DENND6A: variants seen among roughly 807,000 people sequenced by gnomAD.
DENND6A encodes the protein DENN domain containing 6A.
A neutral mutation model predicts 95.5 loss-of-function variants in DENND6A; 43 were observed. That is an observed-to-expected ratio of 0.45 (90% confidence interval 0.35 to 0.58). The LOEUF (loss-of-function observed/expected upper bound fraction) is 0.58. DENND6A is among the 20% of genes least tolerant of loss of function. The pLI is 0.00. For synonymous variants in DENND6A, 257 were observed against 260.4 expected, an observed-to-expected ratio of 0.99 and a Z score of 0.13; for missense variants, 574 against 736.0, an observed-to-expected ratio of 0.78 and a Z score of 2.55.
At chr3:57,643,826 CA>C (rs1158460000) in intron 11 of DENND6A, among the ~76,000 whole-genome samples, 187 of 94,216 alleles carry the variant, frequency 2.0e-3, no homozygotes, top group Middle Eastern at 7.5e-3. Context: ...GACTCTGTCT[CA>C]AAAAAAAAAA....
chr3:57,628,977 A>G lies in DENND6A; in HGVS notation c.1621-92T>C. The stretch of plus-strand genomic sequence containing the variant: ...GGTAAGGCTACTGTGAAGGAAAGAC[A>G]AGAAGGAAAAGGAGAACAAAGTATT... On this transcript the variant is annotated intron_variant, in intron 18 of 19. Coordinates refer to ENST00000311128, the MANE Select transcript of DENND6A (RefSeq NM_152678.3). The G allele has an allele frequency of 4.5e-6, 5 of 1,113,530 alleles. No homozygotes were observed. The South Asian group carries it at 6.1e-5, about 14-fold the overall frequency. The allele number at this position is 1,113,530 out of a possible 1,614,324, so 69.0% of individuals were successfully genotyped here. A position where few individuals can be genotyped will look rare whatever the true frequency, so the allele number is the denominator to read the frequency against.
At chr3:57,666,747 T>C (rs2071530176) in intron 3 of DENND6A, among the ~76,000 whole-genome samples, 1 of 152,178 alleles carries the variant, frequency 6.6e-6, no homozygotes, top group Admixed American at 6.5e-5. Context: ...AATTTCCTTG[T>C]CAACAAAATC....
intron 9 of DENND6A, among the ~76,000 whole-genome samples, chr3:57,654,127 T>G (rs552009499): frequency 2.0e-5 from 3 of 151,040 alleles, no homozygotes; most frequent in African/African-American, 7.3e-5. Context: ...TTTTTTTTTT[T>G]TGTATTTTTA....
At chr3:57,687,107 C>A (rs973189741) in intron 1 of DENND6A, among the ~76,000 whole-genome samples, 2 of 152,138 alleles carry the variant, frequency 1.3e-5, no homozygotes, top group Non-Finnish European at 2.9e-5. Context: ...AATCCTCCTG[C>A]CTCAGCCTCC....
intron 9 of DENND6A, among the ~76,000 whole-genome samples, chr3:57,654,274 T>A (rs11130595): frequency 0.35 from 53,393 of 151,884 alleles, 9,771 homozygotes; most frequent in East Asian, 0.56. Flanking sequence ...CTTCTAAGAA[T>A]TAAACAGTGG....
chr3:57,668,058 C>T (rs997637946), intron 3 of DENND6A, among the ~76,000 whole-genome samples: 2 of 151,682 alleles, frequency 1.3e-5, no homozygotes, highest in Admixed American at 6.6e-5. Flanking sequence ...GAGCAAGACC[C>T]TATCTCAAAA....
At chr3:57,689,112 G>A (rs1361347860) in intron 1 of DENND6A, among the ~76,000 whole-genome samples, 1 of 151,692 alleles carries the variant, frequency 6.6e-6, no homozygotes, top group Non-Finnish European at 1.5e-5. Flanking sequence ...ATGCCACTGC[G>A]CCCAGCTGAT....
intron 9 of DENND6A, among the ~76,000 whole-genome samples, chr3:57,647,430 C>T (rs2071103382): frequency 6.6e-6 from 1 of 152,012 alleles, no homozygotes; most frequent in African/African-American, 2.4e-5. Flanking sequence ...ACCAGGGAGG[C>T]GTGTCAGAGC....
intron 3 of DENND6A, among the ~76,000 whole-genome samples, chr3:57,671,380 A>G (rs536039572): frequency 6.6e-6 from 1 of 152,088 alleles, no homozygotes; most frequent in African/African-American, 2.4e-5. Context: ...AAAACAAAAA[A>G]TTAGCCGGGA....
chr3:57,649,668 G>T (rs868033694), intron 9 of DENND6A, among the ~76,000 whole-genome samples: 1 of 150,234 alleles, frequency 6.7e-6, no homozygotes, highest in Admixed American at 6.7e-5. Flanking sequence ...TTGTATGTGT[G>T]TATATATATA....
intron 7 of DENND6A, 62 bp from the exon 8 acceptor site, chr3:57,659,242 T>C (rs1575843889): frequency 1.3e-6 from 2 of 1,562,724 alleles, no homozygotes; most frequent in East Asian, 2.2e-5. Context: ...AAGTGCTGTA[T>C]CCTGCTGCTA....
intron 5 of DENND6A, among the ~76,000 whole-genome samples, chr3:57,662,946 C>G (rs1020241031): frequency 2.6e-5 from 4 of 151,372 alleles, no homozygotes; most frequent in African/African-American, 9.7e-5. Flanking sequence ...TGGTGAGACC[C>G]CGTCTCTATT....
Position 57,626,349 on chromosome 3 carries a change from G to C in DENND6A, c.*1865C>G, listed in dbSNP as rs2070527259. 1 of 152,232 alleles carries C rather than the reference G, an allele frequency of 6.6e-6. No individual in the cohort carries two copies. Among genetic ancestry groups the C allele is most frequent in the African/African-American group, 2.4e-5 (1 of 41,414 alleles). 9.4% of individuals were successfully genotyped at this position (152,232 alleles called of 1,614,324 possible). ...TTTACAAATACATACAACTAAATTTGGTTATTTAGAGGATAATTCAAGACA... is the reference window on the plus strand; with the variant it reads ...TTTACAAATACATACAACTAAATTTCGTTATTTAGAGGATAATTCAAGACA... On this transcript the variant is annotated 3_prime_UTR_variant, in exon 20 of 20. Transcript: ENST00000311128.
rs2071227673 is a variant in DENND6A at position 57,652,360 on chromosome 3, CG to C, written c.818+5319del. On this transcript the variant is annotated intron_variant, in intron 9 of 19. Transcript: ENST00000311128. ...TCCTAACAACAGCCACAGAGAACTG[CG>C]ATCTCCAGCCAAGCTGTGCGAGTAA... Among the ~76,000 whole-genome samples, 3 of 152,134 alleles carry C rather than the reference CG, an allele frequency of 2.0e-5. No individual in the cohort carries two copies. The South Asian group carries it at 6.2e-4, about 31-fold the overall frequency.
intron 9 of DENND6A, chr3:57,654,545 T>A: frequency 1.2e-6 from 1 of 823,892 alleles, no homozygotes; most frequent in Non-Finnish European, 1.5e-6. Flanking sequence ...TCTCTCATTG[T>A]ACTAGGAACA....
At chr3:57,688,445 T>G (rs1307163140) in intron 1 of DENND6A, among the ~76,000 whole-genome samples, 1 of 152,112 alleles carries the variant, frequency 6.6e-6, no homozygotes, top group African/African-American at 2.4e-5. Flanking sequence ...TGACTGCTAC[T>G]GCTAGCGAAA....
intron 4 of DENND6A, among the ~76,000 whole-genome samples, chr3:57,664,490 A>AT (rs2071493422): frequency 1.3e-5 from 2 of 152,214 alleles, no homozygotes; most frequent in Admixed American, 6.5e-5. Context: ...AAAAAGATGC[A>AT]TAAGACACAG....
At position 57,684,325 on chromosome 3, in the gene DENND6A, C is replaced by T. The variant is rs184979762; in HGVS notation, c.237+8457G>A. 7.3e-5 allele frequency among the ~76,000 whole-genome samples: 11 copies of T among 150,700 alleles called. No homozygotes were observed. The East Asian group carries it at 7.9e-4, about 11-fold the overall frequency. ...TAAAAATACAAAAATTAGCTGGGTG[C>T]GGTGGCACGTGCCTGTAATCCCAGC... On this transcript the variant is annotated intron_variant, in intron 1 of 19. Transcript: ENST00000311128.
chr3:57,673,824 A>C (rs1250775338), intron 1 of DENND6A, among the ~76,000 whole-genome samples: 1 of 152,044 alleles, frequency 6.6e-6, no homozygotes, highest in East Asian at 1.9e-4. Flanking sequence ...GGCTTACTGT[A>C]ACCTCCACCT....
Sources: allele counts gnomAD v4.1 joint callset (sites outside exome capture counted in the v4.1 genomes callset), GRCh38; gene constraint gnomAD v4.1.1; transcripts MANE v1.5; gene names NCBI Gene and HGNC (gene_info 2026-07-23, HGNC 2026-07-21).